RSPO2: variants seen among roughly 807,000 people sequenced by gnomAD.
RSPO2 encodes the protein R-spondin 2.
Under a neutral mutation model 30.9 loss-of-function variants are expected in RSPO2, and 14 were observed. The observed-to-expected ratio is 0.45, with a 90% CI of 0.30 to 0.71. The LOEUF is 0.71. Ranked by LOEUF, RSPO2 falls within the 30% of genes least tolerant of loss-of-function variation. The pLI is 0.08. For synonymous variants in RSPO2, 107 were observed against 96.4 expected (o/e 1.11, Z -0.64); for missense variants, 264 against 301.9 (o/e 0.87, Z 0.93).
chr8:107,994,327 T>TA (rs1814943701), intron 2 of RSPO2, among the ~76,000 whole-genome samples: 2 of 152,164 alleles, frequency 1.3e-5, no homozygotes, highest in Admixed American at 1.3e-4. Flanking sequence ...TGTACTTACT[T>TA]ACAATTACAC....
chr8:107,938,187 T>G (rs1812780496), intron 5 of RSPO2, among the ~76,000 whole-genome samples: 1 of 152,236 alleles, frequency 6.6e-6, no homozygotes, highest in East Asian at 1.9e-4. Flanking sequence ...TATCAAATAT[T>G]TTGCCTCTTT....
chr8:107,910,317 A>G (rs1811783367), intron 5 of RSPO2, among the ~76,000 whole-genome samples: 2 of 152,206 alleles, frequency 1.3e-5, no homozygotes, highest in South Asian at 4.1e-4. Context: ...ATTCAACACA[A>G]TTTCTATGGA....
At chr8:108,072,589 C>T (rs1456521913) in intron 2 of RSPO2, among the ~76,000 whole-genome samples, 2 of 151,090 alleles carry the variant, frequency 1.3e-5, no homozygotes, top group African/African-American at 2.4e-5. Context: ...CCGCCCGCCT[C>T]GGCCTCCCAA....
chr8:107,960,883 A>C, intron 3 of RSPO2, 66 bp from the exon 4 acceptor site: 1 of 1,263,746 alleles, frequency 7.9e-7, no homozygotes, highest in Admixed American at 2.8e-5. Context: ...TTTACAAATA[A>C]AATTTTTGTA....
At chr8:108,005,785 G>C (rs1289177415) in intron 2 of RSPO2, among the ~76,000 whole-genome samples, 1 of 152,164 alleles carries the variant, frequency 6.6e-6, no homozygotes, top group East Asian at 1.9e-4. Flanking sequence ...GGGTCTTGAA[G>C]AGAATACAGG....
At chr8:108,083,098 T>C (rs572797494) in intron 1 of RSPO2, 99 bp downstream of exon 1, 53 of 158,308 alleles carry the variant, frequency 3.3e-4, no homozygotes, top group Admixed American at 5.7e-4. Flanking sequence ...CTAAAGGCAC[T>C]GAGAGCGCAG....
rs1331669069 is a variant in RSPO2 at position 108,051,656 on chromosome 8, CACAG to C, written c.94+30885_94+30888del. ...ACTGAATACCATTCCAGTAAATAAA[CACAG>C]ACAGTGAATATTCAGAAACAGGAGA... On this transcript the variant is annotated intron_variant, in intron 2 of 5. Transcript: ENST00000276659. 4.6e-5 allele frequency among the ~76,000 whole-genome samples: 7 copies of C among 152,242 alleles called. No homozygotes were observed. In the South Asian group the frequency reaches 6.2e-4, roughly 14 times the overall value.
At chr8:107,939,028 A>C (rs1225205899) in intron 5 of RSPO2, among the ~76,000 whole-genome samples, 1 of 152,206 alleles carries the variant, frequency 6.6e-6, no homozygotes, top group African/African-American at 2.4e-5. Flanking sequence ...CCAAGAGCGA[A>C]GCCAGGTGTC....
At chr8:108,030,147 A>G (rs1166783772) in intron 2 of RSPO2, among the ~76,000 whole-genome samples, 2 of 142,150 alleles carry the variant, frequency 1.4e-5, no homozygotes, top group African/African-American at 5.3e-5. Context: ...AAAAAAAGCT[A>G]GGCATATGAT....
intron 5 of RSPO2, among the ~76,000 whole-genome samples, chr8:107,936,244 A>C (rs1407199009): frequency 6.6e-6 from 1 of 152,146 alleles, no homozygotes; most frequent in African/African-American, 2.4e-5. Context: ...AATGACCTCC[A>C]GTTTTAACCA....
chr8:107,929,189 A>G (rs991047811), intron 5 of RSPO2, among the ~76,000 whole-genome samples: 5 of 152,190 alleles, frequency 3.3e-5, no homozygotes, highest in Non-Finnish European at 7.3e-5. Flanking sequence ...ACATCCTCTG[A>G]CTTAAACAGC....
At chr8:107,983,621 A>C in intron 3 of RSPO2, 1 of 1,595,234 alleles carries the variant, frequency 6.3e-7, no homozygotes, top group African/African-American at 1.3e-5. Context: ...ACAATTATAG[A>C]GGAGCAGGCA....
At chr8:108,068,729 T>C (rs535028772) in intron 2 of RSPO2, among the ~76,000 whole-genome samples, 5 of 152,284 alleles carry the variant, frequency 3.3e-5, no homozygotes, top group African/African-American at 4.8e-5. Context: ...AAGACAGCCA[T>C]GTGAACATAG....
At chr8:108,025,135 A>G (rs1377728505) in intron 2 of RSPO2, among the ~76,000 whole-genome samples, 1 of 152,256 alleles carries the variant, frequency 6.6e-6, no homozygotes, top group African/African-American at 2.4e-5. Flanking sequence ...ACATACATAT[A>G]TACACTTATA....
rs1356656160 is a variant in RSPO2, at chr8:107,899,880, G to GTT, written c.*1193_*1194dup. The GTT allele has an allele frequency of 2.6e-5, 4 of 152,304 alleles. No individual in the cohort carries two copies. Among genetic ancestry groups the GTT allele is most frequent in the South Asian group, 2.1e-4 (1 of 4,824 alleles). 9.4% of individuals were successfully genotyped at this position (152,304 alleles called of 1,614,324 possible). A position where few individuals can be genotyped will look rare whatever the true frequency, so the allele number is the denominator to read the frequency against. ...ACAGATTCTGGCTCAACAGAAACCTGTTAAGATCTGACTGGCAGTCACAGA... is the reference window on the plus strand; with the variant it reads ...ACAGATTCTGGCTCAACAGAAACCTGTTTTAAGATCTGACTGGCAGTCACAGA... On this transcript the variant is annotated 3_prime_UTR_variant, in exon 6 of 6. Transcript: ENST00000276659.
chr8:108,003,305 A>ATATATATT (rs1815333864), intron 2 of RSPO2, among the ~76,000 whole-genome samples: 1 of 26,440 alleles, frequency 3.8e-5, no homozygotes, highest in Non-Finnish European at 6.4e-5. Flanking sequence ...ATATATATAT[A>ATATATATT]TATATATTTT....
chr8:107,987,121 G>C (rs1814670291), intron 3 of RSPO2, among the ~76,000 whole-genome samples: 1 of 152,088 alleles, frequency 6.6e-6, no homozygotes, highest in South Asian at 2.1e-4. Context: ...ACTTTAGCTA[G>C]AAGACCTTAG....
chr8:108,004,012 G>A (rs969279937), intron 2 of RSPO2, among the ~76,000 whole-genome samples: 3 of 152,096 alleles, frequency 2.0e-5, no homozygotes, highest in Admixed American at 6.5e-5. Context: ...CCTTTCCTCC[G>A]TTTTTAGCTA....
In RSPO2 at chr8:108,032,765, C is replaced by T. The variant is rs760816168; in HGVS notation, c.95-43521G>A. Among the ~76,000 whole-genome samples the T allele has an allele frequency of 5.9e-5, 9 of 152,014 alleles. No homozygotes were observed. The South Asian group carries it at 6.2e-4, about 11-fold the overall frequency. On this transcript the variant is annotated intron_variant, in intron 2 of 5. Transcript: ENST00000276659. ...CCTGCCTCAGCCTCCTGAGTAGCTA[C>T]GTCTACAGGATTATACCACTATGTC...
Sources: gnomAD v4.1 joint callset for allele counts (sites outside exome capture counted in the v4.1 genomes callset) on GRCh38, gnomAD v4.1.1 for gene constraint, MANE v1.5 for transcripts, NCBI Gene and HGNC (gene_info 2026-07-23, HGNC 2026-07-21) for gene names.